Variants in IFT88 observed in about 807,000 individuals in gnomAD.
IFT88 encodes intraflagellar transport 88, also known as intraflagellar transport protein 88 homolog.
IFT88 carries 74 observed loss-of-function variants against 119.5 expected under a neutral mutation model. The observed-to-expected ratio is 0.62, with a 90% CI of 0.51 to 0.75. The LOEUF (loss-of-function observed/expected upper bound fraction) is 0.75, where lower values mean the gene tolerates loss of function less well. Among genes scored for constraint, IFT88 ranks in the 30% least tolerant of loss-of-function variants. IFT88 has a pLI of 0.00. For missense variants in IFT88, 961 were observed against 977.7 expected (o/e 0.98, Z 0.23); for synonymous variants, 279 against 316.7 (o/e 0.88, Z 1.26).
At chr13:20,667,695 G>A (rs753000789) in intron 23 of IFT88, among the ~76,000 whole-genome samples, 3 of 143,640 alleles carry the variant, frequency 2.1e-5, no homozygotes, top group Non-Finnish European at 4.4e-5. Flanking sequence ...GCCCACCTCG[G>A]CCTCCCAAAG....
At chr13:20,601,618 C>A in intron 11 of IFT88, 87 bp from the exon 12 acceptor site, 3 of 816,808 alleles carry the variant, frequency 3.7e-6, no homozygotes, top group Admixed American at 2.9e-5. Flanking sequence ...AAGTGGGAGA[C>A]GAAAAAAGAA....
At chr13:20,655,405 C>T (rs1343252993) in intron 21 of IFT88, among the ~76,000 whole-genome samples, 1 of 150,210 alleles carries the variant, frequency 6.7e-6, no homozygotes, top group African/African-American at 2.4e-5. Flanking sequence ...CGCCACTGCA[C>T]TCACTCCAGC....
At position 20,644,830 on chromosome 13, in the gene IFT88, A is replaced by G. The variant is rs745759599; in HGVS notation, c.1834-13A>G. The G allele has an allele frequency of 1.7e-6, 2 of 1,150,540 alleles. No individual in the cohort carries two copies. The highest frequency in any genetic ancestry group is 2.4e-5 in the East Asian group (1 of 42,068). 71.3% of individuals were successfully genotyped at this position (1,150,540 alleles called of 1,614,324 possible). Reference sequence around the variant, plus strand: ...TTGAAGTTGTATTGTTACATTCCATATTTGTTTTACAGTCATATAGGTATT... The same window carrying G: ...TTGAAGTTGTATTGTTACATTCCATGTTTGTTTTACAGTCATATAGGTATT... On this transcript the variant is annotated splice_polypyrimidine_tract_variant and intron_variant, in intron 19 of 25. Transcript: ENST00000351808.
At chr13:20,607,359 A>G in intron 13 of IFT88, 1 of 559,068 alleles carries the variant, frequency 1.8e-6, no homozygotes, top group Non-Finnish European at 3.5e-6. Context: ...CCCATGTCCT[A>G]TGCACACACC....
Position 20,653,955 on chromosome 13 carries a change from A to C in IFT88, c.2002+27A>C, listed in dbSNP as rs200526958. The C allele has an allele frequency of 8.2e-6, 12 of 1,455,714 alleles. No homozygotes were observed. The East Asian group carries it at 2.8e-4, about 34-fold the overall frequency. The allele number at this position is 1,455,714 out of a possible 1,614,324, so 90.2% of individuals were successfully genotyped here. On this transcript the variant is annotated intron_variant, in intron 21 of 25. Transcript: ENST00000351808. ...TAAATGCTTTAGTTTTATTCATTTT[A>C]TAGATATTTTGCTTCTTTCCTTTTA... is the stretch of plus-strand genomic sequence containing the variant.
chr13:20,669,909 C>T (rs887094193), intron 23 of IFT88, among the ~76,000 whole-genome samples: 1 of 152,090 alleles, frequency 6.6e-6, no homozygotes, highest in African/African-American at 2.4e-5. Flanking sequence ...AAGTGCTTTT[C>T]CTTTTAATGG....
In IFT88 at chr13:20,688,200, A is replaced by T. The variant is rs2058149679; in HGVS notation, c.2243-2505A>T. ...AAAATACAACAACAACAAAAAAATTAGCCGGGCGTGGTAGCGCATGCCTGT... is the reference window on the plus strand; with the variant it reads ...AAAATACAACAACAACAAAAAAATTTGCCGGGCGTGGTAGCGCATGCCTGT... On this transcript the variant is annotated intron_variant, in intron 24 of 25. Coordinates refer to ENST00000351808, the MANE Select transcript of IFT88 (RefSeq NM_006531.5). Among the ~76,000 whole-genome samples, 4 of 152,152 alleles carry T rather than the reference A, an allele frequency of 2.6e-5. No individual in the cohort carries two copies. The South Asian group carries it at 8.3e-4, about 32-fold the overall frequency.
intron 9 of IFT88, among the ~76,000 whole-genome samples, chr13:20,597,628 C>T (rs956594381): frequency 2.6e-5 from 4 of 151,728 alleles, no homozygotes; most frequent in South Asian, 2.1e-4. Flanking sequence ...CCTGTAGTCC[C>T]AGCTACTTGG....
At position 20,671,004 on chromosome 13, in the gene IFT88, G is replaced by A; in HGVS notation, c.2207G>A (p.Gly736Asp). ...RIKSGRDGSG[G>D]SRGKREGSAS... ...AAGTCAGGCAGAGATGGCAGTGGGG[G>A]CTCCCGTGGCAAAAGAGAAGGAAGT... The change falls in exon 24 of 26, where the codon GGC (glycine) becomes GAC (aspartate). Residue 736 changes from glycine to aspartate, a missense_variant. Physicochemically the swap from Gly to Asp is moderately conservative, Grantham distance 94. Coordinates refer to ENST00000351808, the MANE Select transcript of IFT88 (RefSeq NM_006531.5). 1 of 1,613,906 alleles carries A rather than the reference G, an allele frequency of 6.2e-7. No individual in the cohort carries two copies. Among genetic ancestry groups the A allele is most frequent in the East Asian group, 2.2e-5 (1 of 44,872 alleles).
At chr13:20,684,360 G>GT (rs2141229423) in intron 24 of IFT88, among the ~76,000 whole-genome samples, 1 of 152,294 alleles carries the variant, frequency 6.6e-6, no homozygotes, top group African/African-American at 2.4e-5. Flanking sequence ...GTATAGAGGG[G>GT]TAGGGACAAA....
At chr13:20,633,197 C>T (rs1249122263) in intron 16 of IFT88, among the ~76,000 whole-genome samples, 3 of 152,148 alleles carry the variant, frequency 2.0e-5, no homozygotes, top group Non-Finnish European at 2.9e-5. Flanking sequence ...ATAACCGAGA[C>T]TGGGTAATTT....
chr13:20,597,569 C>T (rs982473378), intron 9 of IFT88, among the ~76,000 whole-genome samples: 6 of 151,830 alleles, frequency 4.0e-5, no homozygotes, highest in Non-Finnish European at 7.4e-5. Flanking sequence ...ATGGTGAAAC[C>T]CCATCTCTAC....
At chr13:20,630,169 A>G (rs79131801) in intron 15 of IFT88, among the ~76,000 whole-genome samples, 1,860 of 152,210 alleles carry the variant, frequency 0.012, 38 homozygotes, top group African/African-American at 0.043. Flanking sequence ...TGAAACTCCA[A>G]TTACATTTCT....
chr13:20,688,052 C>T (rs1009386410), intron 24 of IFT88, among the ~76,000 whole-genome samples: 1 of 152,176 alleles, frequency 6.6e-6, no homozygotes, highest in African/African-American at 2.4e-5. Context: ...AGAGGCCACT[C>T]TGGCCGGGCA....
rs1363640747 is a variant in IFT88 at position 20,625,726 on chromosome 13, G to A, written c.1200-24G>A. The A allele has an allele frequency of 4.0e-6, 6 of 1,507,046 alleles. No homozygotes were observed. The Admixed American group carries it at 6.2e-5, about 16-fold the overall frequency. The allele number at this position is 1,507,046 out of a possible 1,614,324, so 93.4% of individuals were successfully genotyped here. Reference sequence around the variant, plus strand: ...AATATACTAAAACAAAATCAAGTAAGGTTTTTTATGCTTTCCCTTATAGGT... The same window carrying A: ...AATATACTAAAACAAAATCAAGTAAAGTTTTTTATGCTTTCCCTTATAGGT... On this transcript the variant is annotated intron_variant, in intron 14 of 25. Coordinates refer to ENST00000351808, the MANE Select transcript of IFT88 (RefSeq NM_006531.5).
chr13:20,606,295 G>A (rs1448109478), intron 13 of IFT88, among the ~76,000 whole-genome samples: 1 of 152,114 alleles, frequency 6.6e-6, no homozygotes, highest in African/African-American at 2.4e-5. Context: ...TTAGTGGAGC[G>A]TCAGGGCTTT....
At chr13:20,607,723 C>T (rs2043757305) in intron 13 of IFT88, 24 of 764,748 alleles carry the variant, frequency 3.1e-5, no homozygotes, top group South Asian at 3.1e-4. Flanking sequence ...GCTCCTGCTT[C>T]TGGCTGTCAG....
At position 20,572,015 on chromosome 13, in the gene IFT88, C is replaced by G. The variant is rs144046377; in HGVS notation, c.-6-2365C>G. Among the ~76,000 whole-genome samples, 5 of 140,194 alleles carry G rather than the reference C, an allele frequency of 3.6e-5. No individual in the cohort carries two copies. The Admixed American group carries it at 3.8e-4, about 11-fold the overall frequency. 92.0% of individuals were successfully genotyped at this position (140,194 alleles called of 152,430 possible). A position where few individuals can be genotyped will look rare whatever the true frequency, so the allele number is the denominator to read the frequency against. Reference sequence around the variant, plus strand: ...ATTTGTATGATCAGCTTTCACTCTTCTGTTTCATTTTGCTTTGATATCTTT... The same window carrying G: ...ATTTGTATGATCAGCTTTCACTCTTGTGTTTCATTTTGCTTTGATATCTTT... On this transcript the variant is annotated intron_variant, in intron 1 of 25. Transcript: ENST00000351808.
chr13:20,571,356 T>C (rs2036335826), intron 1 of IFT88, among the ~76,000 whole-genome samples: 1 of 152,220 alleles, frequency 6.6e-6, no homozygotes, highest in Non-Finnish European at 1.5e-5. Flanking sequence ...TAAGAAAATA[T>C]GTATTTGCTT....
Sources: allele counts gnomAD v4.1 joint callset (sites outside exome capture counted in the v4.1 genomes callset), GRCh38; gene constraint gnomAD v4.1.1; transcripts MANE v1.5; gene names NCBI Gene and HGNC (gene_info 2026-07-23, HGNC 2026-07-21).